ARL5B: variants seen among roughly 807,000 people sequenced by gnomAD.
ARL5B encodes ADP-ribosylation factor-like protein 5B.
In ARL5B, 10 loss-of-function variants were observed where a neutral mutation model predicts 26.9. The ratio of observed to expected loss-of-function variants is 0.37; its 90% CI spans 0.23 to 0.63. The LOEUF is 0.63. ARL5B is among the 30% of genes least tolerant of loss of function. The pLI, the probability that ARL5B is intolerant of heterozygous loss-of-function variation, is 0.62. For synonymous variants in ARL5B, 87 were observed against 70.4 expected (o/e 1.24, Z -1.18); for missense variants, 167 against 213.9 (o/e 0.78, Z 1.37).
chr10:18,676,435 AATCT>A lies in ARL5B; in HGVS notation c.*1223_*1226del, dbSNP rs1441600200. On this transcript the variant is annotated 3_prime_UTR_variant, in exon 6 of 6. Coordinates refer to ENST00000377275, the MANE Select transcript of ARL5B (RefSeq NM_178815.5). ...ACAACTTAAAATTAAAAAAAGTCAT[AATCT>A]ATCAAAAGTTTATTTATTGGATGGC... The A allele has an allele frequency of 1.3e-5, 2 of 152,012 alleles. No homozygotes were observed. Among genetic ancestry groups the A allele is most frequent in the African/African-American group, 4.8e-5 (2 of 41,432 alleles). 9.4% of individuals were successfully genotyped at this position (152,012 alleles called of 1,614,324 possible). A position where few individuals can be genotyped will look rare whatever the true frequency, so the allele number is the denominator to read the frequency against.
At position 18,679,449 on chromosome 10, in the gene ARL5B, C is replaced by T. The variant is rs2059923701; in HGVS notation, c.*4233C>T. ...TGTCTACATAAATGTCTACATAAAT[C>T]TGAAAGTGGTTTATATTCAAGGTTA... On this transcript the variant is annotated 3_prime_UTR_variant, in exon 6 of 6. Transcript: ENST00000377275. 6.6e-6 allele frequency: 1 copy of T among 151,874 alleles called. No homozygotes were observed. The highest frequency in any genetic ancestry group is 2.4e-5 in the African/African-American group (1 of 41,414). The allele number at this position is 151,874 out of a possible 1,614,324, so 9.4% of individuals were successfully genotyped here.
chr10:18,667,270 G>T (rs926058626), intron 2 of ARL5B, among the ~76,000 whole-genome samples: 1 of 152,110 alleles, frequency 6.6e-6, no homozygotes, highest in South Asian at 2.1e-4. Context: ...CCATTGTGTG[G>T]CTCTTACCTC....
chr10:18,670,108 TTTATA>T lies in ARL5B; in HGVS notation c.255+1437_255+1441del, dbSNP rs1305060379. Among the ~76,000 whole-genome samples the T allele has an allele frequency of 1.5e-4, 23 of 152,232 alleles. No individual in the cohort carries two copies. In the East Asian group the frequency reaches 1.9e-3, roughly 13 times the overall value. On this transcript the variant is annotated intron_variant, in intron 3 of 5. Coordinates refer to ENST00000377275, the MANE Select transcript of ARL5B (RefSeq NM_178815.5). ...TTTAAAAAACATGTATTGTTCTAGA[TTTATA>T]TTATAATAGCATGTGTGTATGTGTG... is the stretch of plus-strand genomic sequence containing the variant.
At position 18,680,952 on chromosome 10, in the gene ARL5B, C is replaced by T. The variant is rs1427678145; in HGVS notation, c.*5736C>T. 3 of 151,664 alleles carry T rather than the reference C, an allele frequency of 2.0e-5. No individual in the cohort carries two copies. The highest frequency in any genetic ancestry group is 1.9e-4 in the East Asian group (1 of 5,188). 9.4% of individuals were successfully genotyped at this position (151,664 alleles called of 1,614,324 possible). On this transcript the variant is annotated 3_prime_UTR_variant, in exon 6 of 6. Coordinates refer to ENST00000377275, the MANE Select transcript of ARL5B (RefSeq NM_178815.5). ...GTACTCAGTATTTATTATTTCTTGCCTCAGAATGCAAAACAACTTTAAAGT... is the reference window on the plus strand; with the variant it reads ...GTACTCAGTATTTATTATTTCTTGCTTCAGAATGCAAAACAACTTTAAAGT...
chr10:18,673,570 C>T (rs933400670), intron 4 of ARL5B, among the ~76,000 whole-genome samples: 4 of 152,090 alleles, frequency 2.6e-5, no homozygotes, highest in Admixed American at 6.6e-5. Flanking sequence ...ATAGTATAAA[C>T]AATGCTGAAA....
chr10:18,675,061 A>G, intron 5 of ARL5B, 107 bp from the exon 6 acceptor site: 1 of 926,676 alleles, frequency 1.1e-6, no homozygotes, highest in Non-Finnish European at 1.7e-6. Context: ...ATGTATATAA[A>G]TAATGATTGT....
chr10:18,669,833 A>C (rs1164203646), intron 3 of ARL5B, among the ~76,000 whole-genome samples: 2 of 152,058 alleles, frequency 1.3e-5, no homozygotes, highest in South Asian at 2.1e-4. Flanking sequence ...CTCTACTAAA[A>C]ATACAAAAAA....
At chr10:18,663,424 A>G (rs2059845733) in intron 1 of ARL5B, among the ~76,000 whole-genome samples, 1 of 152,020 alleles carries the variant, frequency 6.6e-6, no homozygotes, top group African/African-American at 2.4e-5. Flanking sequence ...TTTCCAATCC[A>G]TGAATTTCAT....
intron 1 of ARL5B, among the ~76,000 whole-genome samples, chr10:18,664,598 C>A (rs1365445974): frequency 6.6e-6 from 1 of 151,562 alleles, no homozygotes; most frequent in Non-Finnish European, 1.5e-5. Flanking sequence ...CCACCATGCC[C>A]GGCTAATTTT....
At position 18,676,703 on chromosome 10, in the gene ARL5B, TATTTTA is replaced by T. The variant is rs1478865982; in HGVS notation, c.*1496_*1501del. 6.6e-6 allele frequency: 1 copy of T among 151,998 alleles called. No homozygotes were observed. The highest frequency in any genetic ancestry group is 1.5e-5 in the Non-Finnish European group (1 of 67,874). 9.4% of individuals were successfully genotyped at this position (151,998 alleles called of 1,614,324 possible). A position where few individuals can be genotyped will look rare whatever the true frequency, so the allele number is the denominator to read the frequency against. On this transcript the variant is annotated 3_prime_UTR_variant, in exon 6 of 6. Coordinates refer to ENST00000377275, the MANE Select transcript of ARL5B (RefSeq NM_178815.5). ...TATCAAAATATGTGTTCAAAATTGG[TATTTTA>T]ATTTTAATATTTTTGTAAGTTGATT...
Position 18,659,522 on chromosome 10 carries a change from C to G in ARL5B, c.-116C>G, listed in dbSNP as rs142861535. 6 of 1,346,758 alleles carry G rather than the reference C, an allele frequency of 4.5e-6. No individual in the cohort carries two copies. Among genetic ancestry groups the G allele is most frequent in the Non-Finnish European group, 5.9e-6 (6 of 1,016,906 alleles). The allele number at this position is 1,346,758 out of a possible 1,614,324, so 83.4% of individuals were successfully genotyped here. A position where few individuals can be genotyped will look rare whatever the true frequency, so the allele number is the denominator to read the frequency against. On this transcript the variant is annotated 5_prime_UTR_variant, in exon 1 of 6. Coordinates refer to ENST00000377275, the MANE Select transcript of ARL5B (RefSeq NM_178815.5). ...AGGCTTCTCGGCCTAGCAGTGCCCT[C>G]GCTGCGCGATCTCAGGCGGGTTCTC...
chr10:18,674,955 A>G (rs991235186), intron 5 of ARL5B, among the ~76,000 whole-genome samples: 19 of 152,262 alleles, frequency 1.2e-4, no homozygotes, highest in African/African-American at 4.6e-4. Context: ...TCAAGATGAG[A>G]CTGAAGCAAT....
At position 18,679,876 on chromosome 10, in the gene ARL5B, A is replaced by T. The variant is rs1423893504; in HGVS notation, c.*4660A>T. Reference sequence around the variant, plus strand: ...GCCTCTCCTCGTATTTAGGGTACTTAAAATTACTAAAAAATACTGTCTTTT... The same window carrying T: ...GCCTCTCCTCGTATTTAGGGTACTTTAAATTACTAAAAAATACTGTCTTTT... On this transcript the variant is annotated 3_prime_UTR_variant, in exon 6 of 6. Transcript: ENST00000377275. 6.6e-6 allele frequency: 1 copy of T among 151,980 alleles called. No homozygotes were observed. The highest frequency in any genetic ancestry group is 1.9e-4 in the East Asian group (1 of 5,190). 9.4% of individuals were successfully genotyped at this position (151,980 alleles called of 1,614,324 possible). A position where few individuals can be genotyped will look rare whatever the true frequency, so the allele number is the denominator to read the frequency against.
chr10:18,663,546 CTTTTTTTTTT>C (rs10645351), intron 1 of ARL5B, among the ~76,000 whole-genome samples: 1 of 97,948 alleles, frequency 1.0e-5, no homozygotes, highest in Non-Finnish European at 1.9e-5. Context: ...TTATTCTGCT[CTTTTTTTTTT>C]TTTTTTTTTT....
In ARL5B at chr10:18,678,256, T is replaced by TTATTCTA. The variant is rs1251427970; in HGVS notation, c.*3046_*3052dup. 6 of 151,896 alleles carry TTATTCTA rather than the reference T, an allele frequency of 4.0e-5. No homozygotes were observed. The highest frequency in any genetic ancestry group is 1.3e-4 in the Admixed American group (2 of 15,248). 9.4% of individuals were successfully genotyped at this position (151,896 alleles called of 1,614,324 possible). A position where few individuals can be genotyped will look rare whatever the true frequency, so the allele number is the denominator to read the frequency against. ...AGTATGCTTAAAGGTATCAATACTT[T>TTATTCTA]TATTCTATATTCATTAGAAGAAAGG... On this transcript the variant is annotated 3_prime_UTR_variant, in exon 6 of 6. Coordinates refer to ENST00000377275, the MANE Select transcript of ARL5B (RefSeq NM_178815.5).
At chr10:18,674,240 G>A in intron 5 of ARL5B, 105 bp downstream of exon 5, 1 of 1,097,554 alleles carries the variant, frequency 9.1e-7, no homozygotes, top group Non-Finnish European at 1.2e-6. Flanking sequence ...CTGTTTGTTT[G>A]TTCTTAATTA....
Position 18,676,509 on chromosome 10 carries a change from A to T in ARL5B, c.*1293A>T, listed in dbSNP as rs925445375. On this transcript the variant is annotated 3_prime_UTR_variant, in exon 6 of 6. Coordinates refer to ENST00000377275, the MANE Select transcript of ARL5B (RefSeq NM_178815.5). ...AGTTGTCTAATATGAACAATAATCTAAACAATATATTCCTTAAATTAAGAG... is the reference window on the plus strand; with the variant it reads ...AGTTGTCTAATATGAACAATAATCTTAACAATATATTCCTTAAATTAAGAG... The T allele has an allele frequency of 2.6e-5, 4 of 152,056 alleles. No individual in the cohort carries two copies. Among genetic ancestry groups the T allele is most frequent in the Admixed American group, 6.6e-5 (1 of 15,266 alleles). 9.4% of individuals were successfully genotyped at this position (152,056 alleles called of 1,614,324 possible).
chr10:18,662,008 G>C (rs547209872), intron 1 of ARL5B, among the ~76,000 whole-genome samples: 1 of 152,346 alleles, frequency 6.6e-6, no homozygotes, highest in Non-Finnish European at 1.5e-5. Flanking sequence ...AGCAAGGAAT[G>C]GGACTCACTG....
At position 18,681,083 on chromosome 10, in the gene ARL5B, A is replaced by G. The variant is rs753921802; in HGVS notation, c.*5867A>G. ...AAGCTCTAAGAATATCTTCATTACT[A>G]TGCTTGGTCAACTGGAAGATGGTAT... On this transcript the variant is annotated 3_prime_UTR_variant, in exon 6 of 6. Coordinates refer to ENST00000377275, the MANE Select transcript of ARL5B (RefSeq NM_178815.5). 3.9e-5 allele frequency: 6 copies of G among 152,140 alleles called. No homozygotes were observed. The highest frequency in any genetic ancestry group is 7.4e-5 in the Non-Finnish European group (5 of 68,020). The allele number at this position is 152,140 out of a possible 1,614,324, so 9.4% of individuals were successfully genotyped here.
Sources: gnomAD v4.1 joint callset for allele counts (sites outside exome capture counted in the v4.1 genomes callset) on GRCh38, gnomAD v4.1.1 for gene constraint, MANE v1.5 for transcripts, NCBI Gene and HGNC (gene_info 2026-07-23, HGNC 2026-07-21) for gene names.